The following SPECC1 variants were observed in gnomAD, a reference collection of about 807,000 sequenced individuals.
The protein encoded by SPECC1 is sperm antigen with calponin homology and coiled-coil domains 1.
Under a neutral mutation model 104.1 loss-of-function variants are expected in SPECC1, and 62 were observed. That is an observed-to-expected ratio of 0.60 (90% confidence interval 0.49 to 0.74). The LOEUF is 0.74. Ranked by LOEUF, SPECC1 falls within the 30% of genes least tolerant of loss-of-function variation. The pLI is 0.00. For missense variants in SPECC1, 1,306 were observed against 1,310.5 expected, an observed-to-expected ratio of 1.00 and a Z score of 0.05; for synonymous variants, 513 against 501.6, an observed-to-expected ratio of 1.02 and a Z score of -0.30.
At position 20,232,180 on chromosome 17, in the gene SPECC1, A is replaced by C; in HGVS notation, c.2146-20A>C. ...GCCCTGGCAGGCGTCTGACATAAGG[A>C]TGGGCTCTGACATTTTCAGGAGGAG... On this transcript the variant is annotated intron_variant, in intron 6 of 14. Transcript: ENST00000395527. 1 of 1,613,358 alleles carries C rather than the reference A, an allele frequency of 6.2e-7. No homozygotes were observed. Among genetic ancestry groups the C allele is most frequent in the Non-Finnish European group, 8.5e-7 (1 of 1,179,970 alleles).
rs1188991426 is a variant in SPECC1 at position 20,223,131 on chromosome 17, ATC to A, written c.1864-4272_1864-4271del. On this transcript the variant is annotated intron_variant, in intron 4 of 14. Transcript: ENST00000395527. ...CCCTTTGAATAAACTTTCTACCCCA[ATC>A]TCTCTCTCTACCTCCTCTTTAAAGC... Among the ~76,000 whole-genome samples, 7 of 150,808 alleles carry A rather than the reference ATC, an allele frequency of 4.6e-5. No individual in the cohort carries two copies. In the East Asian group the frequency reaches 7.8e-4, roughly 17 times the overall value.
intron 8 of SPECC1, 125 bp downstream of exon 8, chr17:20,246,196 TC>T: frequency 8.8e-7 from 1 of 1,133,442 alleles, no homozygotes; most frequent in East Asian, 2.6e-5. Flanking sequence ...GCTTTCCAGG[TC>T]CTACCACGTG....
chr17:20,137,965 CTTTAT>C (rs926050019), intron 3 of SPECC1, among the ~76,000 whole-genome samples: 2 of 148,542 alleles, frequency 1.3e-5, no homozygotes, highest in African/African-American at 5.0e-5. Context: ...GTACCCAGCC[CTTTAT>C]TTTATTTTAT....
At chr17:20,219,733 TACTC>T (rs1233979493) in intron 4 of SPECC1, among the ~76,000 whole-genome samples, 1 of 152,230 alleles carries the variant, frequency 6.6e-6, no homozygotes, top group Admixed American at 6.5e-5. Context: ...TTTGGGCTAT[TACTC>T]AAGAAATCAT....
At chr17:20,225,971 T>G (rs919869621) in intron 4 of SPECC1, among the ~76,000 whole-genome samples, 52 of 152,154 alleles carry the variant, frequency 3.4e-4, no homozygotes, top group African/African-American at 1.2e-3. Context: ...CTGTGTGTGA[T>G]GCTGTGTAGA....
rs552654341 is a variant in SPECC1 at position 20,315,817 on chromosome 17, A to G, written c.*1752A>G. The G allele has an allele frequency of 9.9e-5, 23 of 232,816 alleles. No homozygotes were observed. Among genetic ancestry groups the G allele is most frequent in the African/African-American group, 5.1e-4 (23 of 45,444 alleles). 14.4% of individuals were successfully genotyped at this position (232,816 alleles called of 1,614,324 possible). ...GAGACAAGAACTCCGCCCCCCTGTT[A>G]GTGCATCCCAGCTGCAGCTCTGCAT... On this transcript the variant is annotated 3_prime_UTR_variant, in exon 15 of 15. Transcript: ENST00000395527.
At chr17:20,221,518 A>G (rs1177750791) in intron 4 of SPECC1, among the ~76,000 whole-genome samples, 2 of 151,764 alleles carry the variant, frequency 1.3e-5, no homozygotes, top group African/African-American at 4.8e-5. Flanking sequence ...CTCCTTTTTT[A>G]TCTTTGATTT....
intron 2 of SPECC1, among the ~76,000 whole-genome samples, chr17:20,102,714 A>T (rs2152512974): frequency 6.6e-6 from 1 of 152,216 alleles, no homozygotes; most frequent in South Asian, 2.1e-4. Flanking sequence ...GACTTGCTTG[A>T]TGTTCTATTG....
chr17:20,150,976 T>TA (rs2031955760), intron 3 of SPECC1, among the ~76,000 whole-genome samples: 1 of 152,244 alleles, frequency 6.6e-6, no homozygotes, highest in Admixed American at 6.5e-5. Context: ...TTTATGCCTG[T>TA]ATATAAGGGA....
intron 3 of SPECC1, among the ~76,000 whole-genome samples, chr17:20,138,630 C>T (rs1365067913): frequency 6.6e-6 from 1 of 152,138 alleles, no homozygotes; most frequent in Non-Finnish European, 1.5e-5. Flanking sequence ...AGTATGTCAC[C>T]TTTTATATTG....
chr17:20,024,962 C>T (rs144225170), intron 1 of SPECC1, among the ~76,000 whole-genome samples: 110 of 152,278 alleles, frequency 7.2e-4, no homozygotes, highest in African/African-American at 2.6e-3. Flanking sequence ...TTAAACTTTG[C>T]ACAATGTAGA....
chr17:20,111,891 C>T, intron 3 of SPECC1: 3 of 797,014 alleles, frequency 3.8e-6, no homozygotes, highest in Non-Finnish European at 4.6e-6. Flanking sequence ...GTATGTGGAA[C>T]TTTATCTGAT....
At chr17:20,168,808 A>T (rs576547971) in intron 3 of SPECC1, among the ~76,000 whole-genome samples, 1 of 152,190 alleles carries the variant, frequency 6.6e-6, no homozygotes. Flanking sequence ...ATGTATGTGT[A>T]TGCTTATATG....
chr17:20,239,026 A>G lies in SPECC1; in HGVS notation c.2351+6621A>G. ...GTAACTAGAATTTGAGGTAGAAAAA[A>G]GCTGGATGTAAGTTGTAAATAGGAG... On this transcript the variant is annotated intron_variant, in intron 7 of 14. Coordinates refer to ENST00000395527, the MANE Select transcript of SPECC1 (RefSeq NM_001243439.2). 3 of 1,034,758 alleles carry G rather than the reference A, an allele frequency of 2.9e-6. 1 individual carries two copies. In the South Asian group the frequency reaches 1.4e-4, roughly 48 times the overall value. 64.1% of individuals were successfully genotyped at this position (1,034,758 alleles called of 1,614,324 possible). A position where few individuals can be genotyped will look rare whatever the true frequency, so the allele number is the denominator to read the frequency against.
At chr17:20,172,230 A>G (rs189442100) in intron 3 of SPECC1, among the ~76,000 whole-genome samples, 9 of 152,190 alleles carry the variant, frequency 5.9e-5, no homozygotes, top group African/African-American at 2.2e-4. Flanking sequence ...GGGCTCCTGC[A>G]TGGGCTTCTC....
At chr17:20,129,861 C>T (rs1487117384) in intron 3 of SPECC1, among the ~76,000 whole-genome samples, 1 of 152,058 alleles carries the variant, frequency 6.6e-6, no homozygotes, top group Admixed American at 6.5e-5. Context: ...TCAAGTGATT[C>T]TCCTGCCTCA....
chr17:20,131,504 G>C (rs938994820), intron 3 of SPECC1, among the ~76,000 whole-genome samples: 1 of 151,882 alleles, frequency 6.6e-6, no homozygotes, highest in Non-Finnish European at 1.5e-5. Flanking sequence ...CTTCATTTCT[G>C]ATCTGTATGC....
At chr17:20,171,580 C>A (rs548346702) in intron 3 of SPECC1, among the ~76,000 whole-genome samples, 1 of 151,764 alleles carries the variant, frequency 6.6e-6, no homozygotes, top group Non-Finnish European at 1.5e-5. Flanking sequence ...CAGAGTCTTG[C>A]GTTGTCACCC....
intron 14 of SPECC1, among the ~76,000 whole-genome samples, chr17:20,306,942 A>G (rs1022502672): frequency 2.8e-5 from 2 of 71,340 alleles, no homozygotes; most frequent in Non-Finnish European, 4.6e-5. Context: ...CCAAAAGACT[A>G]TTTAAACATG....
Sources: allele counts gnomAD v4.1 joint callset (sites outside exome capture counted in the v4.1 genomes callset), GRCh38; gene constraint gnomAD v4.1.1; transcripts MANE v1.5; gene names NCBI Gene and HGNC (gene_info 2026-07-23, HGNC 2026-07-21).